Variants in TNRC6A observed in about 807,000 individuals in gnomAD.
The protein encoded by TNRC6A is trinucleotide repeat containing adaptor 6A.
TNRC6A carries 44 observed loss-of-function variants against 221.2 expected under a neutral mutation model. The ratio of observed to expected loss-of-function variants is 0.20; its 90% CI spans 0.16 to 0.26. TNRC6A has a LOEUF of 0.26. Ranked by LOEUF, TNRC6A falls within the 10% of genes least tolerant of loss-of-function variation. The pLI is 1.00. For missense variants in TNRC6A, 2,199 were observed against 2,404.4 expected, an observed-to-expected ratio of 0.91 and a Z score of 1.79; for synonymous variants, 847 against 838.5, an observed-to-expected ratio of 1.01 and a Z score of -0.18.
Position 24,777,009 on chromosome 16 carries a change from C to G in TNRC6A, c.240C>G (p.Ser80Arg). The G allele has an allele frequency of 6.2e-7, 1 of 1,614,074 alleles. No individual in the cohort carries two copies. Among genetic ancestry groups the G allele is most frequent in the South Asian group, 1.1e-5 (1 of 91,074 alleles). Residue 80 changes from serine to arginine, a missense_variant, in exon 5 of 25, where the codon AGC (serine) becomes AGG (arginine). Ser to Arg is a moderately radical substitution (Grantham distance 110). Transcript: ENST00000395799. ...ATAACGGCACTTCCACAGCAACCAG[C>G]ACTAATAATAATGCCAAGCGAGCTA... ...NSNNGTSTAT[S>R]TNNNAKRATA...
chr16:24,745,347 ATTAAT>A (rs2056982045), intron 2 of TNRC6A, among the ~76,000 whole-genome samples: 1 of 152,198 alleles, frequency 6.6e-6, no homozygotes, highest in East Asian at 1.9e-4. Context: ...GGTTTTGGTG[ATTAAT>A]TTAGGTAGGA....
chr16:24,623,702 G>A (rs549485951), intron 1 of TNRC6A, among the ~76,000 whole-genome samples: 66 of 151,620 alleles, frequency 4.4e-4, no homozygotes, highest in Non-Finnish European at 9.4e-4. Flanking sequence ...ATCAGCCCGG[G>A]CAATATAGTG....
rs770217873 is a variant in TNRC6A at position 24,750,823 on chromosome 16, G to A, written c.141+10G>A. On this transcript the variant is annotated intron_variant, in intron 3 of 24. Transcript: ENST00000395799. ...AGCTGCTCAAAAGAAGGTAGTATGT[G>A]TGTAAACTATTTATATTAAGCAGTT... The A allele has an allele frequency of 4.6e-6, 7 of 1,510,376 alleles. No individual in the cohort carries two copies. The African/African-American group carries it at 8.5e-5, about 18-fold the overall frequency. The allele number at this position is 1,510,376 out of a possible 1,614,324, so 93.6% of individuals were successfully genotyped here. A position where few individuals can be genotyped will look rare whatever the true frequency, so the allele number is the denominator to read the frequency against.
At position 24,645,625 on chromosome 16, in the gene TNRC6A, T is replaced by G. The variant is rs116965836; in HGVS notation, n.402+4616T>G. 4.5e-3 allele frequency among the ~76,000 whole-genome samples: 683 copies of G among 151,972 alleles called. 5 individuals are homozygous for G. Among genetic ancestry groups the G allele is most frequent in the Admixed American group, 0.012 (189 of 15,248 alleles). Reference sequence around the variant, plus strand: ...TAAATTGAAAAGTAACTCTAAAGTTTGTCAATATCAACAATATTCTTCAAA... The same window carrying G: ...TAAATTGAAAAGTAACTCTAAAGTTGGTCAATATCAACAATATTCTTCAAA... On this transcript the variant is annotated intron_variant and non_coding_transcript_variant, in intron 2 of 2. Transcript: ENST00000566108.
chr16:24,804,515 T>C, intron 12 of TNRC6A, 190 bp from the exon 13 acceptor site: 1 of 1,120,938 alleles, frequency 8.9e-7, no homozygotes. Flanking sequence ...TTTTTCTTCT[T>C]AATCCCATGA....
rs555114590 is a variant in TNRC6A at position 24,789,668 on chromosome 16, G to C, written c.1026G>C (p.Met342Ile). The change falls in exon 6 of 25, where the codon ATG becomes ATC. Residue 342 changes from methionine to isoleucine, a missense_variant. Physicochemically the swap from Met to Ile is conservative, Grantham distance 10. This residue lies in a region of TNRC6A where 1,405 missense variants were observed against 1,400.2 expected (regional missense o/e 1.00). Transcript: ENST00000395799. ...ESKSESSNNR[M>I]NAWGTVSSSS... Reference sequence around the variant, plus strand: ...AATCTGAAAGTAGCAACAATAGAATGAATGCTTGGGGCACTGTAAGTTCTT... The same window carrying C: ...AATCTGAAAGTAGCAACAATAGAATCAATGCTTGGGGCACTGTAAGTTCTT... 6.2e-7 allele frequency: 1 copy of C among 1,614,188 alleles called. No homozygotes were observed. The highest frequency in any genetic ancestry group is 1.1e-5 in the South Asian group (1 of 91,074).
intron 2 of TNRC6A, among the ~76,000 whole-genome samples, chr16:24,710,915 G>A (rs535365801): frequency 1.6e-4 from 24 of 149,136 alleles, no homozygotes; most frequent in African/African-American, 4.5e-4. Flanking sequence ...TCGCTCTGCC[G>A]CCCAGGCTGG....
At chr16:24,815,021 A>G in intron 18 of TNRC6A, 126 bp from the exon 19 acceptor site, 1 of 967,268 alleles carries the variant, frequency 1.0e-6, no homozygotes, top group Non-Finnish European at 1.5e-6. Flanking sequence ...TAAAAGAGTT[A>G]CTCTAGAGAA....
intron 2 of TNRC6A, among the ~76,000 whole-genome samples, chr16:24,679,502 A>T (rs1362641952): frequency 6.6e-6 from 1 of 150,436 alleles, no homozygotes; most frequent in Non-Finnish European, 1.5e-5. Context: ...TCAAAGACGG[A>T]GTCTTGCTCT....
intron 4 of TNRC6A, among the ~76,000 whole-genome samples, chr16:24,761,340 C>T (rs2057358183): frequency 6.6e-6 from 1 of 152,170 alleles, no homozygotes; most frequent in African/African-American, 2.4e-5. Flanking sequence ...TAAAATATGT[C>T]TCTTACGAGT....
rs552681501 is a variant in TNRC6A at position 24,639,953 on chromosome 16, G to C, written n.277-931G>C. On this transcript the variant is annotated intron_variant and non_coding_transcript_variant, in intron 1 of 2. Transcript: ENST00000566108. Reference sequence around the variant, plus strand: ...ATCACATGCATAAGCCATGGCACTTGGCCCAGTCACTGTTTTTTTGACAGT... The same window carrying C: ...ATCACATGCATAAGCCATGGCACTTCGCCCAGTCACTGTTTTTTTGACAGT... 6.6e-5 allele frequency among the ~76,000 whole-genome samples: 10 copies of C among 152,240 alleles called. No individual in the cohort carries two copies. In the East Asian group the frequency reaches 1.9e-3, roughly 29 times the overall value.
At chr16:24,643,841 A>G (rs1001931830) in intron 2 of TNRC6A, among the ~76,000 whole-genome samples, 5 of 152,146 alleles carry the variant, frequency 3.3e-5, no homozygotes, top group Admixed American at 1.3e-4. Context: ...CACTTACTCC[A>G]GAATCTAAGT....
chr16:24,818,676 A>C lies in TNRC6A; in HGVS notation c.5056A>C (p.Ser1686Arg), dbSNP rs200839904. 6.2e-7 allele frequency: 1 copy of C among 1,614,136 alleles called. No homozygotes were observed. Among genetic ancestry groups the C allele is most frequent in the East Asian group, 2.2e-5 (1 of 44,880 alleles). Reference protein sequence around the residue: ...IRASNYNVPLSSTAQSTSARN... With the variant: ...IRASNYNVPLRSTAQSTSARN... ...TGCCTCCAACTACAACGTTCCCCTC[A>C]GCAGTACAGCACAAAGCACTTCAGG... Residue 1686 changes from serine (S) to arginine (R), a missense_variant, in exon 21 of 25, where the codon AGC becomes CGC. Physicochemically the swap from Ser to Arg is moderately radical, Grantham distance 110. Transcript: ENST00000395799.
chr16:24,789,782 A>G lies in TNRC6A; in HGVS notation c.1140A>G (p.Leu380=), dbSNP rs943675049. Residue 380 remains leucine, a synonymous_variant, in exon 6 of 25, where the codon CTA becomes CTG. Transcript: ENST00000395799. Reference sequence around the variant, plus strand: ...TATTAGAGAACAATGGACTTGCCCTAAAAGGGCCTGTAGGGAGTGGTAGTT... The same window carrying G: ...TATTAGAGAACAATGGACTTGCCCTGAAAGGGCCTGTAGGGAGTGGTAGTT... The part of the protein sequence containing the change: ...WPVLENNGLA[L]KGPVGSGSSG... 1.2e-6 allele frequency: 2 copies of G among 1,614,026 alleles called. No homozygotes were observed. Among genetic ancestry groups the G allele is most frequent in the African/African-American group, 2.7e-5 (2 of 74,940 alleles).
At chr16:24,711,260 G>A (rs1056963032) in intron 2 of TNRC6A, among the ~76,000 whole-genome samples, 7 of 151,854 alleles carry the variant, frequency 4.6e-5, no homozygotes, top group East Asian at 1.9e-4. Flanking sequence ...ATCCCGCCTC[G>A]GCCTCCCAAA....
intron 2 of TNRC6A, among the ~76,000 whole-genome samples, chr16:24,648,892 T>G (rs554082572): frequency 2.0e-5 from 3 of 152,342 alleles, no homozygotes; most frequent in African/African-American, 7.2e-5. Context: ...CATGCAGCTT[T>G]TTTGTTTCAC....
chr16:24,630,585 A>C (rs1176423520), intron 1 of TNRC6A, among the ~76,000 whole-genome samples: 12 of 152,168 alleles, frequency 7.9e-5, no homozygotes, highest in Non-Finnish European at 1.8e-4. Flanking sequence ...CTTTATAGGA[A>C]AAATATTTTC....
chr16:24,684,720 A>T lies in TNRC6A; in HGVS notation n.402+43711A>T, dbSNP rs375121271. On this transcript the variant is annotated intron_variant and non_coding_transcript_variant, in intron 2 of 2. Coordinates refer to the TNRC6A transcript ENST00000566108. Reference sequence around the variant, plus strand: ...ACTCAGGAGGCTGAGGTGGGAGGATAACCAGAGCCCAAGAGTTCGAGGTTA... The same window carrying T: ...ACTCAGGAGGCTGAGGTGGGAGGATTACCAGAGCCCAAGAGTTCGAGGTTA... 5.3e-5 allele frequency among the ~76,000 whole-genome samples: 8 copies of T among 152,058 alleles called. No homozygotes were observed. In the South Asian group the frequency reaches 1.7e-3, roughly 32 times the overall value.
chr16:24,804,609 G>A, intron 12 of TNRC6A, 96 bp from the exon 13 acceptor site: 1 of 1,490,902 alleles, frequency 6.7e-7, no homozygotes, highest in Non-Finnish European at 8.9e-7. Context: ...GTTGATGCTG[G>A]AATGTCATGT....
Sources: gnomAD v4.1 joint callset for allele counts (sites outside exome capture counted in the v4.1 genomes callset) on GRCh38, gnomAD v4.1.1 for gene constraint, gnomAD v4.1.1 regional missense constraint, MANE v1.5 for transcripts, NCBI Gene and HGNC (gene_info 2026-07-23, HGNC 2026-07-21) for gene names.